Variants in ENTPD5 observed in about 807,000 individuals in gnomAD.
The protein encoded by ENTPD5 is nucleoside diphosphate phosphatase ENTPD5.
Under a neutral mutation model 60.2 loss-of-function variants are expected in ENTPD5, and 49 were observed. The ratio of observed to expected loss-of-function variants is 0.81; its 90% CI spans 0.65 to 1.03. The LOEUF is 1.03. Among genes scored for constraint, ENTPD5 ranks in the 50% least tolerant of loss-of-function variants. The probability of loss-of-function intolerance (pLI) is 0.00; values close to 1 mark genes in which losing one functional copy is unlikely to be tolerated. For synonymous variants in ENTPD5, 187 were observed against 185.4 expected, an observed-to-expected ratio of 1.01 and a Z score of -0.07; for missense variants, 480 against 507.6, an observed-to-expected ratio of 0.95 and a Z score of 0.52.
Position 73,970,138 on chromosome 14 carries a change from G to A in ENTPD5, c.1085-13C>T, listed in dbSNP as rs762416526. 2 of 1,578,846 alleles carry A rather than the reference G, an allele frequency of 1.3e-6. No individual in the cohort carries two copies. The highest frequency in any genetic ancestry group is 2.7e-5 in the African/African-American group (2 of 74,180). On this transcript the variant is annotated splice_polypyrimidine_tract_variant and intron_variant, in intron 14 of 15. Transcript: ENST00000334696. ...AAGTTATCACACACTGAAAGAGAGA[G>A]TAAACAGTGGAGCTCAAGTTTGCAA...
chr14:73,955,781 CAG>C (rs1219654218), downstream of ENTPD5: 2 of 1,614,130 alleles, frequency 1.2e-6, no homozygotes, highest in Non-Finnish European at 1.7e-6. Context: ...GGTTTTAATG[CAG>C]ACTTTCCTTT....
At chr14:74,010,163 A>G (rs11848920) in intron 3 of ENTPD5, among the ~76,000 whole-genome samples, 13,962 of 152,146 alleles carry the variant, frequency 0.092, 809 homozygotes, top group South Asian at 0.26. Flanking sequence ...CTGGCCTCAA[A>G]TGATCCACCA....
At chr14:73,958,150 G>A (rs1473329291), downstream of ENTPD5, 10 of 1,613,634 alleles carry the variant, frequency 6.2e-6, no homozygotes, top group African/African-American at 2.7e-5. Context: ...TCCCCAGACC[G>A]AGTGACGGTT....
rs990770867 is a variant in ENTPD5, at chr14:73,999,361, G to A, written c.-70-11189C>T. ...AAATTAGCCAGGTGTGGTGGCATGCGCCTGTAATCCCAACTACTCAGGAGA... is the reference window on the plus strand; with the variant it reads ...AAATTAGCCAGGTGTGGTGGCATGCACCTGTAATCCCAACTACTCAGGAGA... On this transcript the variant is annotated intron_variant, in intron 3 of 15. Coordinates refer to ENST00000334696, the MANE Select transcript of ENTPD5 (RefSeq NM_001249.5). Among the ~76,000 whole-genome samples, 6 of 151,862 alleles carry A rather than the reference G, an allele frequency of 4.0e-5. No individual in the cohort carries two copies. In the East Asian group the frequency reaches 5.8e-4, roughly 15 times the overall value.
At chr14:73,970,547 T>C (rs2057179975) in intron 14 of ENTPD5, among the ~76,000 whole-genome samples, 1 of 151,996 alleles carries the variant, frequency 6.6e-6, no homozygotes, top group Admixed American at 6.6e-5. Flanking sequence ...CTCCCTTTGG[T>C]TAATGCTTAG....
intron 3 of ENTPD5, chr14:73,996,264 A>T (rs900344538): frequency 2.0e-5 from 17 of 852,618 alleles, no homozygotes; most frequent in Non-Finnish European, 2.4e-5. Context: ...TTGCTAACTC[A>T]CTCCCTTCTC....
chr14:74,014,053 A>G (rs897169815), intron 2 of ENTPD5, among the ~76,000 whole-genome samples: 1 of 152,138 alleles, frequency 6.6e-6, no homozygotes, highest in African/African-American at 2.4e-5. Flanking sequence ...CAGTCCAGGT[A>G]AGTTTTCTTA....
At position 73,963,359 on chromosome 14, in the gene ENTPD5, G is replaced by C. The variant is rs1030564220; in HGVS notation, c.*3569C>G. On this transcript the variant is annotated 3_prime_UTR_variant, in exon 16 of 16. Coordinates refer to ENST00000334696, the MANE Select transcript of ENTPD5 (RefSeq NM_001249.5). The stretch of plus-strand genomic sequence containing the variant: ...TTAATGTTGGTCATAAATTTATACA[G>C]TTGTTTTTTGATAGAGGTAAGAATT... 5.3e-5 allele frequency: 20 copies of C among 375,922 alleles called. No homozygotes were observed. In the South Asian group the frequency reaches 1.0e-3, roughly 19 times the overall value. 23.3% of individuals were successfully genotyped at this position (375,922 alleles called of 1,614,324 possible).
chr14:73,972,477 C>A (rs916901537), intron 13 of ENTPD5, among the ~76,000 whole-genome samples: 3 of 152,100 alleles, frequency 2.0e-5, no homozygotes, highest in Non-Finnish European at 2.9e-5. Flanking sequence ...AGATCAGGTA[C>A]ATATACTTTC....
At chr14:73,973,580 A>G (rs1001803432) in intron 12 of ENTPD5, among the ~76,000 whole-genome samples, 22 of 152,152 alleles carry the variant, frequency 1.4e-4, no homozygotes, top group African/African-American at 4.6e-4. Flanking sequence ...CCTTGAACTC[A>G]TGGGCTCAAG....
chr14:73,985,108 A>G (rs1251767705), intron 5 of ENTPD5, among the ~76,000 whole-genome samples: 4 of 152,142 alleles, frequency 2.6e-5, no homozygotes, highest in African/African-American at 7.2e-5. Flanking sequence ...TCCATGGTGT[A>G]TATGTGCCAC....
chr14:73,993,538 A>G (rs2058222168), intron 3 of ENTPD5, among the ~76,000 whole-genome samples: 1 of 152,188 alleles, frequency 6.6e-6, no homozygotes, highest in South Asian at 2.1e-4. Flanking sequence ...GAAATCAACC[A>G]CTGATACAGG....
At chr14:73,993,805 T>C (rs1464919750) in intron 3 of ENTPD5, among the ~76,000 whole-genome samples, 7 of 151,672 alleles carry the variant, frequency 4.6e-5, no homozygotes, top group African/African-American at 1.2e-4. Context: ...TAATATATCA[T>C]TGTAGTTTTT....
chr14:73,967,689 A>T (rs1468786030), intron 15 of ENTPD5, among the ~76,000 whole-genome samples: 1 of 151,278 alleles, frequency 6.6e-6, no homozygotes. Context: ...AATCCCAGCT[A>T]CTCAGAGGGC....
At chr14:73,962,358 T>TA (rs1272424609), downstream of ENTPD5, among the ~76,000 whole-genome samples, 3 of 152,140 alleles carry the variant, frequency 2.0e-5, no homozygotes, top group Admixed American at 6.6e-5. Context: ...TTTTAGGTGT[T>TA]ACGGCCCACA....
chr14:73,967,116 A>T (rs1410108801), intron 15 of ENTPD5, 102 bp from the exon 16 acceptor site: 2 of 879,892 alleles, frequency 2.3e-6, no homozygotes, highest in Non-Finnish European at 3.6e-6. Context: ...CCACATGGGC[A>T]AACCAAGGCA....
chr14:74,011,306 A>G (rs1413025011), intron 2 of ENTPD5, among the ~76,000 whole-genome samples, 156 bp from the exon 3 acceptor site: 1 of 152,140 alleles, frequency 6.6e-6, no homozygotes, highest in African/African-American at 2.4e-5. Context: ...CCTGAGTTGT[A>G]GTCTAATGCC....
chr14:73,957,873 A>G (rs2056517368), downstream of ENTPD5: 1 of 424,332 alleles, frequency 2.4e-6, no homozygotes, highest in East Asian at 5.2e-5. Flanking sequence ...TTAAGCGTAG[A>G]GTGAAAATGG....
chr14:73,968,586 C>T (rs1286827677), intron 15 of ENTPD5, among the ~76,000 whole-genome samples: 12 of 151,952 alleles, frequency 7.9e-5, no homozygotes, highest in Admixed American at 3.9e-4. Context: ...CCACCACGCC[C>T]GGCTAATTTT....
Sources: gnomAD v4.1 joint callset for allele counts (sites outside exome capture counted in the v4.1 genomes callset) on GRCh38, gnomAD v4.1.1 for gene constraint, MANE v1.5 for transcripts, NCBI Gene and HGNC (gene_info 2026-07-23, HGNC 2026-07-21) for gene names.